Variants in GMPS observed in about 807,000 individuals in gnomAD.
The protein encoded by GMPS is guanosine monophosphate synthase.
In GMPS, 15 loss-of-function variants were observed where a neutral mutation model predicts 77.9. That is an observed-to-expected ratio of 0.19 (90% CI 0.13 to 0.30). The LOEUF (loss-of-function observed/expected upper bound fraction) is 0.30, where lower values mean the gene tolerates loss of function less well. Among genes scored for constraint, GMPS ranks in the 10% least tolerant of loss-of-function variants. The probability of loss-of-function intolerance (pLI) is 1.00; values close to 1 mark genes in which losing one functional copy is unlikely to be tolerated. For missense variants in GMPS, 590 were observed against 838.8 expected, an observed-to-expected ratio of 0.70 and a Z score of 3.66; for synonymous variants, 224 against 275.9, an observed-to-expected ratio of 0.81 and a Z score of 1.86.
rs111398667 is a variant in GMPS, at chr3:155,914,764, G to T, written c.1038+194G>T. On this transcript the variant is annotated intron_variant, in intron 8 of 15. Transcript: ENST00000496455. ...TTTTATGTTTTTTTGTTGTTGTTTG[G>T]TTTTTTTTTTGTTTTTTTGAGACAG... 8.7e-4 allele frequency among the ~76,000 whole-genome samples: 128 copies of T among 146,940 alleles called. 3 individuals carry two copies. The highest frequency in any genetic ancestry group is 2.1e-3 in the African/African-American group (83 of 40,242).
intron 1 of GMPS, among the ~76,000 whole-genome samples, chr3:155,888,132 C>T (rs1167323029): frequency 6.6e-6 from 1 of 151,086 alleles, no homozygotes; most frequent in African/African-American, 2.4e-5. Context: ...GACTAGTCTC[C>T]AATTCCTGGG....
At chr3:155,931,062 C>G (rs1027381657) in intron 12 of GMPS, among the ~76,000 whole-genome samples, 22 of 152,070 alleles carry the variant, frequency 1.4e-4, no homozygotes, top group African/African-American at 5.3e-4. Context: ...CTGGGCTCAA[C>G]TGACCCACCC....
rs1265844016 is a variant in GMPS at position 155,870,834 on chromosome 3, T to C, written c.-37T>C. On this transcript the variant is annotated 5_prime_UTR_variant, in exon 1 of 16. Coordinates refer to ENST00000496455, the MANE Select transcript of GMPS (RefSeq NM_003875.3). ...GGCACCCTCCCGCCCCGTCTCGTACTGTCGCCGTCACCGCCGCGGCTCCGG... is the reference window on the plus strand; with the variant it reads ...GGCACCCTCCCGCCCCGTCTCGTACCGTCGCCGTCACCGCCGCGGCTCCGG... 12 of 1,421,486 alleles carry C rather than the reference T, an allele frequency of 8.4e-6. No individual in the cohort carries two copies. Among genetic ancestry groups the C allele is most frequent in the Admixed American group, 4.2e-5 (2 of 47,112 alleles). The allele number at this position is 1,421,486 out of a possible 1,614,324, so 88.1% of individuals were successfully genotyped here.
chr3:155,887,283 T>C (rs1433018499), intron 1 of GMPS, among the ~76,000 whole-genome samples: 2 of 152,224 alleles, frequency 1.3e-5, no homozygotes, highest in East Asian at 3.8e-4. Context: ...CTGATTTTTT[T>C]TTTCTTTCTT....
At chr3:155,910,090 A>C (rs1470946730) in intron 5 of GMPS, among the ~76,000 whole-genome samples, 1 of 147,252 alleles carries the variant, frequency 6.8e-6, no homozygotes, top group Admixed American at 6.7e-5. Context: ...TAAAAATATA[A>C]AAGAAATAAG....
At chr3:155,908,087 G>T (rs1201812731) in intron 5 of GMPS, among the ~76,000 whole-genome samples, 1 of 152,240 alleles carries the variant, frequency 6.6e-6, no homozygotes. Flanking sequence ...AAGCTGTGAT[G>T]AGGAGAAAAG....
At position 155,939,454 on chromosome 3, in the gene GMPS, T is replaced by A. The variant is rs2108158182; in HGVS notation, c.*1762T>A. 4.9e-6 allele frequency: 1 copy of A among 204,886 alleles called. No homozygotes were observed. The highest frequency in any genetic ancestry group is 7.4e-5 in the East Asian group (1 of 13,476). 12.7% of individuals were successfully genotyped at this position (204,886 alleles called of 1,614,324 possible). ...TAAGAATGTGTGTTCTATGGAACAC[T>A]GCTCCACTGAGAAGGTCCATGTAAA... On this transcript the variant is annotated 3_prime_UTR_variant, in exon 16 of 16. Coordinates refer to ENST00000496455, the MANE Select transcript of GMPS (RefSeq NM_003875.3).
chr3:155,892,023 G>T (rs1201235388), intron 1 of GMPS, among the ~76,000 whole-genome samples: 1 of 152,166 alleles, frequency 6.6e-6, no homozygotes, highest in African/African-American at 2.4e-5. Flanking sequence ...GTGGCTAAAG[G>T]ACTGACTTAA....
Position 155,941,435 on chromosome 3 carries a change from TA to T in GMPS, c.*3745del, listed in dbSNP as rs1755889185. On this transcript the variant is annotated 3_prime_UTR_variant, in exon 16 of 16. Coordinates refer to ENST00000496455, the MANE Select transcript of GMPS (RefSeq NM_003875.3). ...AAAAAAAAAGGAAGTTCTTAGTGTG[TA>T]ATTGACCATCAGGGATAAATGGGCT... The T allele has an allele frequency of 1.0e-5, 2 of 196,990 alleles. No individual in the cohort carries two copies. The highest frequency in any genetic ancestry group is 1.6e-4 in the East Asian group (2 of 12,622). The allele number at this position is 196,990 out of a possible 1,614,324, so 12.2% of individuals were successfully genotyped here.
At chr3:155,871,751 A>G (rs1753911925) in intron 1 of GMPS, among the ~76,000 whole-genome samples, 1 of 152,168 alleles carries the variant, frequency 6.6e-6, no homozygotes, top group Non-Finnish European at 1.5e-5. Context: ...GGCAGTCCGG[A>G]GTTCCGGAGT....
intron 12 of GMPS, among the ~76,000 whole-genome samples, chr3:155,931,336 C>A (rs1160611456): frequency 1.3e-5 from 2 of 151,898 alleles, no homozygotes; most frequent in Admixed American, 6.6e-5. Flanking sequence ...CAGGTTCATG[C>A]CACCATGCCT....
Position 155,925,363 on chromosome 3 carries a change from G to T in GMPS, c.1557G>T (p.Val519=). ...AFLLPIKTVG[V]QGDCRSYSYV... ...TGCTGCCAATTAAAACTGTAGGTGT[G>T]CAGGTGAGTTGTGTGAATTCATTCA... is the stretch of plus-strand genomic sequence containing the variant. The change falls in exon 12 of 16, where the codon GTG becomes GTT. Residue 519 remains valine (V), a synonymous_variant. Coordinates refer to ENST00000496455, the MANE Select transcript of GMPS (RefSeq NM_003875.3). The T allele has an allele frequency of 6.2e-7, 1 of 1,602,300 alleles. No homozygotes were observed. Among genetic ancestry groups the T allele is most frequent in the Non-Finnish European group, 8.5e-7 (1 of 1,174,616 alleles).
At chr3:155,875,008 A>G (rs1754009698) in intron 1 of GMPS, among the ~76,000 whole-genome samples, 2 of 148,708 alleles carry the variant, frequency 1.3e-5, no homozygotes, top group African/African-American at 2.5e-5. Context: ...CCCTGGTTCA[A>G]GTGATCCTTG....
intron 1 of GMPS, among the ~76,000 whole-genome samples, chr3:155,884,899 C>T (rs1341391495): frequency 1.3e-5 from 2 of 152,084 alleles, no homozygotes; most frequent in African/African-American, 4.8e-5. Context: ...TCATTATATT[C>T]TGGGAAGGTG....
chr3:155,930,599 G>A (rs920263035), intron 12 of GMPS, among the ~76,000 whole-genome samples: 16 of 152,066 alleles, frequency 1.1e-4, no homozygotes, highest in Non-Finnish European at 7.4e-5. Context: ...GAAAATTTTC[G>A]CAACCTACTT....
intron 4 of GMPS, among the ~76,000 whole-genome samples, chr3:155,904,288 C>A (rs1577515418): frequency 6.6e-6 from 1 of 150,466 alleles, no homozygotes; most frequent in African/African-American, 2.4e-5. Context: ...TATTATTTTT[C>A]TTTTTCTTTT....
rs369493258 is a variant in GMPS at position 155,880,918 on chromosome 3, G to A, written c.27+10021G>A. Among the ~76,000 whole-genome samples the A allele has an allele frequency of 3.2e-4, 48 of 151,608 alleles. 1 individual carries two copies. Among genetic ancestry groups the A allele is most frequent in the Middle Eastern group, 3.4e-3 (1 of 290 alleles). ...ATTAAAAAGAAAAAAATAAGTGTGC[G>A]TTTGTATTTTAATGTCTAAAGCCAA... On this transcript the variant is annotated intron_variant, in intron 1 of 15. Transcript: ENST00000496455.
chr3:155,942,801 A>G lies in GMPS; in HGVS notation c.*5109A>G, dbSNP rs1434636308. 1 of 220,808 alleles carries G rather than the reference A, an allele frequency of 4.5e-6. No homozygotes were observed. Among genetic ancestry groups the G allele is most frequent in the East Asian group, 6.7e-5 (1 of 14,962 alleles). 13.7% of individuals were successfully genotyped at this position (220,808 alleles called of 1,614,324 possible). On this transcript the variant is annotated 3_prime_UTR_variant, in exon 16 of 16. Transcript: ENST00000496455. ...TCTGACTCTAGCTAGGTCATGAAAC[A>G]GACTGAGCTATTATTGCATCAACAC...
At position 155,916,046 on chromosome 3, in the gene GMPS, A is replaced by G; in HGVS notation, c.1066A>G (p.Asn356Asp). 1 of 1,613,266 alleles carries G rather than the reference A, an allele frequency of 6.2e-7. No individual in the cohort carries two copies. Among genetic ancestry groups the G allele is most frequent in the South Asian group, 1.1e-5 (1 of 90,956 alleles). ...TGCCAATGAAGTAATTGGAGAAATG[A>G]ACTTGAAACCAGAGGAGGTTTTCCT... is the stretch of plus-strand genomic sequence containing the variant. ...KIANEVIGEM[N>D]LKPEEVFLAQ... Residue 356 changes from asparagine to aspartate, a missense_variant, in exon 9 of 16, where the codon AAC becomes GAC. By Grantham distance (23) the Asn-to-Asp change is conservative (BLOSUM62 1). Coordinates refer to ENST00000496455, the MANE Select transcript of GMPS (RefSeq NM_003875.3).
Sources: allele counts gnomAD v4.1 joint callset (sites outside exome capture counted in the v4.1 genomes callset), GRCh38; gene constraint gnomAD v4.1.1; transcripts MANE v1.5; gene names NCBI Gene and HGNC (gene_info 2026-07-23, HGNC 2026-07-21).